The following SDK1 variants were observed in gnomAD, a reference collection of about 807,000 sequenced individuals.
The protein encoded by SDK1 is protein sidekick-1.
SDK1 carries 157 observed loss-of-function variants against 245.5 expected under a neutral mutation model. The ratio of observed to expected loss-of-function variants is 0.64; its 90% confidence interval spans 0.56 to 0.73. SDK1 has a LOEUF of 0.73. Ranked by LOEUF, SDK1 falls within the 30% of genes least tolerant of loss-of-function variation. The pLI, the probability that SDK1 is intolerant of heterozygous loss-of-function variation, is 0.00. For missense variants in SDK1, 3,583 were observed against 3,002.3 expected (o/e 1.19, Z -4.52); for synonymous variants, 1,647 against 1,278.5 (o/e 1.29, Z -6.15).
chr7:4,014,371 G>A (rs1322573719), intron 16 of SDK1, among the ~76,000 whole-genome samples: 1 of 152,194 alleles, frequency 6.6e-6, no homozygotes, highest in African/African-American at 2.4e-5. Flanking sequence ...TGTATTTGCA[G>A]GAGCTTAAAT....
chr7:4,228,564 G>A (rs146994602), intron 40 of SDK1, among the ~76,000 whole-genome samples: 1,855 of 152,254 alleles, frequency 0.012, 29 homozygotes, highest in South Asian at 0.064. Context: ...TTTTGAAACC[G>A]AGTCTCACTC....
At chr7:4,025,016 T>TCACACACACACACA (rs10602730) in intron 17 of SDK1, among the ~76,000 whole-genome samples, 1 of 148,360 alleles carries the variant, frequency 6.7e-6, no homozygotes, top group Non-Finnish European at 1.5e-5. Flanking sequence ...TATTTTGCAT[T>TCACACACACACACA]CACACACACA....
At chr7:3,975,087 G>C (rs1782808999) in intron 13 of SDK1, among the ~76,000 whole-genome samples, 2 of 152,120 alleles carry the variant, frequency 1.3e-5, no homozygotes, top group African/African-American at 4.8e-5. Flanking sequence ...ACCTTCCTGG[G>C]GGTTCCAAAG....
chr7:3,832,360 TG>T (rs1218289151), intron 5 of SDK1, among the ~76,000 whole-genome samples: 4 of 152,252 alleles, frequency 2.6e-5, no homozygotes, highest in African/African-American at 7.2e-5. Context: ...GCCTAACGAT[TG>T]GTCACCTTTT....
At chr7:4,107,621 C>T (rs890630312) in intron 22 of SDK1, among the ~76,000 whole-genome samples, 1 of 152,156 alleles carries the variant, frequency 6.6e-6, no homozygotes, top group Non-Finnish European at 1.5e-5. Context: ...CTAAACCATG[C>T]CACAGGGCCA....
At chr7:3,822,127 T>C (rs899718585) in intron 5 of SDK1, among the ~76,000 whole-genome samples, 5 of 152,224 alleles carry the variant, frequency 3.3e-5, no homozygotes, top group Non-Finnish European at 7.3e-5. Flanking sequence ...GAGGGGACTT[T>C]AGTTTGAGTA....
chr7:4,206,005 C>G lies in SDK1; in HGVS notation c.5214+11C>G. On this transcript the variant is annotated intron_variant, in intron 36 of 44. Transcript: ENST00000404826. ...ATCCAAGGCTACAAGGCAAGGCCCT[C>G]CCGTGCGGTTGCCTCCCCTGGCTCG... 1 of 1,508,626 alleles carries G rather than the reference C, an allele frequency of 6.6e-7. No homozygotes were observed. Among genetic ancestry groups the G allele is most frequent in the Non-Finnish European group, 8.9e-7 (1 of 1,119,896 alleles). The allele number at this position is 1,508,626 out of a possible 1,614,324, so 93.5% of individuals were successfully genotyped here. A position where few individuals can be genotyped will look rare whatever the true frequency, so the allele number is the denominator to read the frequency against.
intron 4 of SDK1, among the ~76,000 whole-genome samples, chr7:3,751,827 G>A (rs573447177): frequency 6.6e-6 from 1 of 152,080 alleles, no homozygotes; most frequent in Non-Finnish European, 1.5e-5. Context: ...TCTGAGGACC[G>A]CTCCCTTCTG....
intron 44 of SDK1, among the ~76,000 whole-genome samples, chr7:4,262,749 C>T (rs1326125688): frequency 1.7e-5 from 2 of 115,956 alleles, no homozygotes; most frequent in African/African-American, 6.7e-5. Context: ...CACCCCACCC[C>T]CTCCCCTCCC....
intron 30 of SDK1, among the ~76,000 whole-genome samples, chr7:4,151,537 C>G (rs956048911): frequency 6.6e-6 from 1 of 152,166 alleles, no homozygotes; most frequent in Non-Finnish European, 1.5e-5. Context: ...GCAGCAGCTC[C>G]GGCTTGATGT....
At position 4,125,841 on chromosome 7, in the gene SDK1, C is replaced by T. The variant is rs150140735; in HGVS notation, c.3824-1540C>T. The stretch of plus-strand genomic sequence containing the variant: ...ACCAGGAGGGGAGAGTGAGAAGACT[C>T]TTAAGTAAGGAAGGTAGGCCAGGCT... On this transcript the variant is annotated intron_variant, in intron 25 of 44. Coordinates refer to ENST00000404826, the MANE Select transcript of SDK1 (RefSeq NM_152744.4). Among the ~76,000 whole-genome samples the T allele has an allele frequency of 7.0e-4, 107 of 152,260 alleles. 1 individual carries two copies. The highest frequency in any genetic ancestry group is 2.5e-3 in the African/African-American group (103 of 41,522).
At chr7:3,677,679 A>T (rs1398678525) in intron 4 of SDK1, among the ~76,000 whole-genome samples, 1 of 152,236 alleles carries the variant, frequency 6.6e-6, no homozygotes, top group Admixed American at 6.5e-5. Flanking sequence ...ATGTAAAGAC[A>T]GTGTTTATGA....
In SDK1 at chr7:3,406,441, T is replaced by C. The variant is rs1046208552; in HGVS notation, c.298+104557T>C. Among the ~76,000 whole-genome samples the C allele has an allele frequency of 4.6e-5, 7 of 152,280 alleles. No individual in the cohort carries two copies. The South Asian group carries it at 6.2e-4, about 14-fold the overall frequency. ...CCTGGGTTATTTTTTTCCTCTCCAATGGACTGGCTTGGCATATGATTGTCA... is the reference window on the plus strand; with the variant it reads ...CCTGGGTTATTTTTTTCCTCTCCAACGGACTGGCTTGGCATATGATTGTCA... On this transcript the variant is annotated intron_variant, in intron 1 of 44. Coordinates refer to ENST00000404826, the MANE Select transcript of SDK1 (RefSeq NM_152744.4).
intron 5 of SDK1, among the ~76,000 whole-genome samples, chr7:3,901,232 G>C (rs1471586998): frequency 6.6e-6 from 1 of 151,598 alleles, no homozygotes; most frequent in Non-Finnish European, 1.5e-5. Flanking sequence ...CTGTCACCAA[G>C]CTGGAGTGTG....
At chr7:4,197,068 A>G (rs540007661) in intron 35 of SDK1, among the ~76,000 whole-genome samples, 183 of 152,344 alleles carry the variant, frequency 1.2e-3, no homozygotes, top group African/African-American at 4.1e-3. Flanking sequence ...CTGCTGTGCA[A>G]TCCACACGGG....
intron 1 of SDK1, among the ~76,000 whole-genome samples, chr7:3,309,576 A>G (rs1779502123): frequency 6.8e-6 from 1 of 147,660 alleles, no homozygotes; most frequent in Admixed American, 6.9e-5. Flanking sequence ...AAAGGGAGCA[A>G]GTTTCCAGGG....
chr7:4,149,104 C>T (rs1780178761), intron 29 of SDK1, among the ~76,000 whole-genome samples, 158 bp from the exon 30 acceptor site: 1 of 149,546 alleles, frequency 6.7e-6, no homozygotes, highest in Admixed American at 6.6e-5. Flanking sequence ...CTCTCATCTC[C>T]CTGACCCAAG....
intron 1 of SDK1, chr7:3,302,593 C>T (rs979667795): frequency 2.0e-5 from 3 of 152,008 alleles, no homozygotes; most frequent in African/African-American, 4.8e-5. Flanking sequence ...CTTTCCTTCC[C>T]AAATCTGGGC....
chr7:3,451,603 G>C (rs1404532668), intron 1 of SDK1, among the ~76,000 whole-genome samples: 2 of 152,086 alleles, frequency 1.3e-5, no homozygotes, highest in African/African-American at 4.8e-5. Context: ...TTCACTATGT[G>C]AGATATTTTT....
Sources: gnomAD v4.1 joint callset for allele counts (sites outside exome capture counted in the v4.1 genomes callset) on GRCh38, gnomAD v4.1.1 for gene constraint, MANE v1.5 for transcripts, NCBI Gene and HGNC (gene_info 2026-07-23, HGNC 2026-07-21) for gene names.